Variants in SAMD4A observed in about 807,000 individuals in gnomAD.
SAMD4A encodes protein Smaug homolog 1.
SAMD4A carries 33 observed loss-of-function variants against 81.3 expected under a neutral mutation model. The observed-to-expected ratio is 0.41, with a 90% CI of 0.31 to 0.54. The LOEUF (loss-of-function observed/expected upper bound fraction) is 0.54. Among genes scored for constraint, SAMD4A ranks in the 20% least tolerant of loss-of-function variants. SAMD4A has a pLI of 0.37. For synonymous variants in SAMD4A, 389 were observed against 382.1 expected, an observed-to-expected ratio of 1.02 and a Z score of -0.21; for missense variants, 854 against 951.1, an observed-to-expected ratio of 0.90 and a Z score of 1.34.
At chr14:54,585,192 C>T (rs1012348612) in intron 2 of SAMD4A, among the ~76,000 whole-genome samples, 3 of 152,154 alleles carry the variant, frequency 2.0e-5, no homozygotes, top group Non-Finnish European at 2.9e-5. Flanking sequence ...ATCATAAACT[C>T]TTTTATGACA....
At chr14:54,716,788 TTTC>T (rs2037130248) in intron 3 of SAMD4A, among the ~76,000 whole-genome samples, 2 of 152,214 alleles carry the variant, frequency 1.3e-5, no homozygotes, top group African/African-American at 2.4e-5. Context: ...TTCATGTTTT[TTTC>T]TTCTTCTCTG....
At chr14:54,588,132 G>A (rs967458056) in intron 2 of SAMD4A, among the ~76,000 whole-genome samples, 3 of 152,054 alleles carry the variant, frequency 2.0e-5, no homozygotes, top group Non-Finnish European at 4.4e-5. Flanking sequence ...ATGTTTCCAG[G>A]AATTTATCTG....
intron 2 of SAMD4A, chr14:54,687,985 G>GC: frequency 7.1e-6 from 7 of 986,054 alleles, no homozygotes; most frequent in Non-Finnish European, 8.4e-6. Context: ...ATAATGATGA[G>GC]CTGTGCCCAG....
At chr14:54,600,937 A>G (rs1358611241) in intron 2 of SAMD4A, among the ~76,000 whole-genome samples, 1 of 152,216 alleles carries the variant, frequency 6.6e-6, no homozygotes, top group African/African-American at 2.4e-5. Context: ...ATGCATAGCT[A>G]TGCCTTTAGT....
chr14:54,737,882 G>A (rs2037740393), intron 4 of SAMD4A, among the ~76,000 whole-genome samples: 1 of 152,054 alleles, frequency 6.6e-6, no homozygotes, highest in Non-Finnish European at 1.5e-5. Context: ...CCTGATAACA[G>A]ATTTGCATAC....
intron 2 of SAMD4A, among the ~76,000 whole-genome samples, chr14:54,655,163 T>C (rs940453934): frequency 6.6e-6 from 1 of 152,162 alleles, no homozygotes; most frequent in Admixed American, 6.5e-5. Context: ...AACAAAAATA[T>C]CAGCTCATTA....
chr14:54,637,439 G>A (rs544097402), intron 2 of SAMD4A, among the ~76,000 whole-genome samples: 20 of 151,178 alleles, frequency 1.3e-4, no homozygotes, highest in Non-Finnish European at 2.9e-4. Flanking sequence ...GGAGATGCCA[G>A]TGAGGTTGGC....
intron 2 of SAMD4A, among the ~76,000 whole-genome samples, chr14:54,666,789 C>CCTATAGA (rs1162095341): frequency 6.6e-6 from 1 of 152,028 alleles, no homozygotes. Context: ...CCTTTGATTA[C>CCTATAGA]CATAAGCCTA....
rs146440964 is a variant in SAMD4A, at chr14:54,760,152, ACCGT to A, written c.1177-6_1177-3del. The A allele has an allele frequency of 1.8e-3, 2,814 of 1,607,562 alleles. 3 individuals are homozygous for A. The highest frequency in any genetic ancestry group is 3.5e-3 in the South Asian group (315 of 89,974). On this transcript the variant is annotated splice_region_variant and splice_polypyrimidine_tract_variant and intron_variant, in intron 6 of 12. Coordinates refer to ENST00000554335, the MANE Select transcript of SAMD4A (RefSeq NM_015589.6). Reference sequence around the variant, plus strand: ...GCCTAACAGAGGTCTTCCTGCTCTCACCGTCCAGGACATCATCGAGGGGGGCAGC... The same window carrying A: ...GCCTAACAGAGGTCTTCCTGCTCTCACCAGGACATCATCGAGGGGGGCAGC...
At chr14:54,759,398 C>T (rs916293479) in intron 6 of SAMD4A, among the ~76,000 whole-genome samples, 14 of 152,180 alleles carry the variant, frequency 9.2e-5, no homozygotes, top group African/African-American at 3.1e-4. Context: ...CTGTGCCCTC[C>T]ACCTGGAGCG....
chr14:54,634,158 T>C (rs575620078), intron 2 of SAMD4A, among the ~76,000 whole-genome samples: 44 of 151,858 alleles, frequency 2.9e-4, no homozygotes, highest in Admixed American at 4.6e-4. Context: ...TGGTGGTGTA[T>C]GCCTGTAATC....
intron 3 of SAMD4A, among the ~76,000 whole-genome samples, chr14:54,722,527 GA>G (rs1286565377): frequency 6.6e-6 from 1 of 152,068 alleles, no homozygotes; most frequent in East Asian, 1.9e-4. Context: ...ATACTGATAC[GA>G]AAACTAATGA....
intron 2 of SAMD4A, among the ~76,000 whole-genome samples, chr14:54,670,674 T>C (rs1268968781): frequency 2.0e-5 from 3 of 152,242 alleles, no homozygotes; most frequent in Non-Finnish European, 2.9e-5. Context: ...ATGTGATTGA[T>C]GGTAGCTGTT....
intron 2 of SAMD4A, among the ~76,000 whole-genome samples, chr14:54,662,655 TCTA>T (rs1183083062): frequency 6.6e-6 from 1 of 152,030 alleles, no homozygotes; most frequent in African/African-American, 2.4e-5. Context: ...CCTCAAGTGA[TCTA>T]CTTGCCTCCG....
intron 9 of SAMD4A, among the ~76,000 whole-genome samples, chr14:54,773,678 G>A (rs2038763610): frequency 6.6e-6 from 1 of 152,208 alleles, no homozygotes; most frequent in South Asian, 2.1e-4. Context: ...TTATGCAGCC[G>A]ACTTTGCAGG....
chr14:54,620,201 G>T (rs2034583365), intron 2 of SAMD4A, among the ~76,000 whole-genome samples: 1 of 152,090 alleles, frequency 6.6e-6, no homozygotes, highest in Admixed American at 6.5e-5. Flanking sequence ...CTTGCCCCAG[G>T]TCTCACAGTT....
chr14:54,746,809 T>A (rs2037980182), intron 4 of SAMD4A, among the ~76,000 whole-genome samples: 1 of 152,194 alleles, frequency 6.6e-6, no homozygotes, highest in South Asian at 2.1e-4. Flanking sequence ...TGAATCATGA[T>A]CATTGAGTTT....
intron 9 of SAMD4A, among the ~76,000 whole-genome samples, chr14:54,770,709 G>T (rs960699743): frequency 6.6e-6 from 1 of 152,190 alleles, no homozygotes; most frequent in African/African-American, 2.4e-5. Flanking sequence ...TCATAGTGGA[G>T]CAGTACAATT....
intron 9 of SAMD4A, among the ~76,000 whole-genome samples, chr14:54,770,835 A>C (rs753130932): frequency 4.6e-5 from 7 of 152,244 alleles, no homozygotes; most frequent in Non-Finnish European, 2.9e-5. Flanking sequence ...TTACATATTA[A>C]AGATGAACTG....
Sources: allele counts gnomAD v4.1 joint callset (sites outside exome capture counted in the v4.1 genomes callset), GRCh38; gene constraint gnomAD v4.1.1; transcripts MANE v1.5; gene names NCBI Gene and HGNC (gene_info 2026-07-23, HGNC 2026-07-21).